NTM: variants seen among roughly 807,000 people sequenced by gnomAD.
The protein encoded by NTM is IgLON family member 2.
A neutral mutation model predicts 42.1 loss-of-function variants in NTM; 13 were observed. That is an observed-to-expected ratio of 0.31 (90% CI 0.20 to 0.49). The LOEUF (loss-of-function observed/expected upper bound fraction) is 0.49, where lower values mean the gene tolerates loss of function less well. Among genes scored for constraint, NTM ranks in the 20% least tolerant of loss-of-function variants. The probability of loss-of-function intolerance (pLI) is 0.99; values close to 1 mark genes in which losing one functional copy is unlikely to be tolerated. For synonymous variants in NTM, 187 were observed against 179.2 expected (o/e 1.04, Z -0.35); for missense variants, 373 against 452.8 (o/e 0.82, Z 1.60).
At chr11:131,529,446 G>C (rs1470014357) in intron 1 of NTM, among the ~76,000 whole-genome samples, 1 of 152,188 alleles carries the variant, frequency 6.6e-6, no homozygotes, top group Admixed American at 6.5e-5. Context: ...CCTTTCTGAT[G>C]AATGGGAACA....
intron 1 of NTM, among the ~76,000 whole-genome samples, chr11:131,402,915 G>A (rs1403146643): frequency 1.3e-5 from 2 of 152,110 alleles, no homozygotes; most frequent in Non-Finnish European, 2.9e-5. Context: ...GAAATTTAAG[G>A]GGTGACTTAA....
At chr11:131,728,937 A>C (rs1434052730) in intron 1 of NTM, among the ~76,000 whole-genome samples, 1 of 152,238 alleles carries the variant, frequency 6.6e-6, no homozygotes, top group Non-Finnish European at 1.5e-5. Flanking sequence ...GTATGTCAGG[A>C]AACAGGGTTG....
At chr11:131,761,553 C>G (rs1440835068) in intron 1 of NTM, among the ~76,000 whole-genome samples, 3 of 152,074 alleles carry the variant, frequency 2.0e-5, no homozygotes, top group Non-Finnish European at 2.9e-5. Context: ...CCTGTTATCC[C>G]TGCACTTTGG....
intron 4 of NTM, among the ~76,000 whole-genome samples, chr11:132,235,995 C>G (rs569344685): frequency 1.6e-5 from 2 of 128,034 alleles, no homozygotes; most frequent in Non-Finnish European, 3.3e-5. Flanking sequence ...CACACACAGA[C>G]ACACACACAC....
intron 2 of NTM, among the ~76,000 whole-genome samples, chr11:131,998,235 A>AT (rs991814899): frequency 4.6e-5 from 7 of 152,058 alleles, no homozygotes; most frequent in Admixed American, 3.9e-4. Context: ...CTGAGTTTTC[A>AT]TTTTGCTGCT....
intron 1 of NTM, among the ~76,000 whole-genome samples, chr11:131,838,100 T>C (rs955495637): frequency 6.6e-6 from 1 of 152,098 alleles, no homozygotes; most frequent in Non-Finnish European, 1.5e-5. Context: ...AAACAGAGAT[T>C]GGATTTTTTT....
intron 1 of NTM, among the ~76,000 whole-genome samples, chr11:131,664,312 T>G (rs2068608836): frequency 6.6e-6 from 1 of 152,254 alleles, no homozygotes; most frequent in South Asian, 2.1e-4. Flanking sequence ...TATAAAAGGA[T>G]GCTCTGACAA....
chr11:132,314,882 G>T lies in NTM; in HGVS notation c.934+179G>T, dbSNP rs989035338. The stretch of plus-strand genomic sequence containing the variant: ...TGGAGAGAGAGGGACAGAGAGACAG[G>T]GAGGAGGCAGACAGAAAGAGAAAGA... On this transcript the variant is annotated intron_variant, in intron 7 of 8. Coordinates refer to ENST00000683400, the MANE Select transcript of NTM (RefSeq NM_001352005.2). 27 of 1,357,496 alleles carry T rather than the reference G, an allele frequency of 2.0e-5. No homozygotes were observed. In the South Asian group the frequency reaches 4.5e-4, roughly 22 times the overall value. 84.1% of individuals were successfully genotyped at this position (1,357,496 alleles called of 1,614,324 possible).
At chr11:132,323,934 A>G in intron 7 of NTM, among the ~76,000 whole-genome samples, 1 of 149,082 alleles carries the variant, frequency 6.7e-6, no homozygotes, top group Non-Finnish European at 1.5e-5. Context: ...CCACATGATT[A>G]TCTCAATAGA....
In NTM at chr11:131,900,540, A is replaced by G. The variant is rs572443784; in HGVS notation, c.83-11024A>G. 2.0e-5 allele frequency among the ~76,000 whole-genome samples: 3 copies of G among 152,334 alleles called. No individual in the cohort carries two copies. In the South Asian group the frequency reaches 6.2e-4, roughly 32 times the overall value. On this transcript the variant is annotated intron_variant, in intron 1 of 8. Transcript: ENST00000683400. ...TGAATTTCAGGAATCCAGATAAGAA[A>G]ATGAGGAGATCTTGGCTTGGGCCAG... is the stretch of plus-strand genomic sequence containing the variant.
At chr11:132,276,048 C>G (rs181434176) in intron 4 of NTM, among the ~76,000 whole-genome samples, 1 of 151,834 alleles carries the variant, frequency 6.6e-6, no homozygotes, top group Admixed American at 6.6e-5. Context: ...GTGATATTGA[C>G]TTTTAATTTT....
chr11:131,620,465 T>A (rs2062412459), intron 1 of NTM, among the ~76,000 whole-genome samples: 1 of 152,170 alleles, frequency 6.6e-6, no homozygotes, highest in African/African-American at 2.4e-5. Context: ...ACAATTCAAA[T>A]GCCCCATCTG....
Position 132,206,620 on chromosome 11 carries a change from G to A in NTM, c.401-5402G>A, listed in dbSNP as rs369690799. 5.3e-5 allele frequency among the ~76,000 whole-genome samples: 8 copies of A among 152,326 alleles called. No homozygotes were observed. In the East Asian group the frequency reaches 1.5e-3, roughly 29 times the overall value. Reference sequence around the variant, plus strand: ...AAGGTTGCCCAGTTAGAACATAGTAGAGCCGGATCTCAGCCCCTGCTCTGC... The same window carrying A: ...AAGGTTGCCCAGTTAGAACATAGTAAAGCCGGATCTCAGCCCCTGCTCTGC... On this transcript the variant is annotated intron_variant, in intron 3 of 8. Transcript: ENST00000683400.
At chr11:132,015,216 A>G (rs1403143954) in intron 2 of NTM, among the ~76,000 whole-genome samples, 1 of 151,810 alleles carries the variant, frequency 6.6e-6, no homozygotes, top group Non-Finnish European at 1.5e-5. Flanking sequence ...GGGTGGATTT[A>G]TTTCTGAGTT....
At chr11:131,547,930 C>T (rs1157664667) in intron 1 of NTM, among the ~76,000 whole-genome samples, 1 of 152,078 alleles carries the variant, frequency 6.6e-6, no homozygotes, top group East Asian at 1.9e-4. Context: ...TTAGCCAATG[C>T]CTAGGAGGCG....
chr11:132,128,276 T>C (rs1039951382), intron 2 of NTM, among the ~76,000 whole-genome samples: 1 of 152,182 alleles, frequency 6.6e-6, no homozygotes, highest in African/African-American at 2.4e-5. Context: ...TTGCTAATCA[T>C]TTATCACAAA....
chr11:132,174,683 GC>G (rs1291880842), intron 3 of NTM, among the ~76,000 whole-genome samples: 1 of 151,804 alleles, frequency 6.6e-6, no homozygotes, highest in Non-Finnish European at 1.5e-5. Context: ...TCTCTTTCTG[GC>G]AATGGCTCTT....
At chr11:132,087,126 C>T (rs565307805) in intron 2 of NTM, among the ~76,000 whole-genome samples, 21 of 152,050 alleles carry the variant, frequency 1.4e-4, no homozygotes, top group Admixed American at 4.6e-4. Flanking sequence ...AAGAAAAAAA[C>T]GTCCTTTTTC....
At position 131,419,447 on chromosome 11, in the gene NTM, G is replaced by A. The variant is rs539847319; in HGVS notation, c.82+48559G>A. Among the ~76,000 whole-genome samples, 12 of 152,266 alleles carry A rather than the reference G, an allele frequency of 7.9e-5. No homozygotes were observed. In the East Asian group the frequency reaches 1.9e-3, roughly 25 times the overall value. ...ATCCAGAGAAGGGCTTCTGGAGAGA[G>A]GACACCTAGGCTGAGGCCTGAAGGA... On this transcript the variant is annotated intron_variant, in intron 1 of 8. Coordinates refer to ENST00000683400, the MANE Select transcript of NTM (RefSeq NM_001352005.2).
Sources: allele counts gnomAD v4.1 joint callset (sites outside exome capture counted in the v4.1 genomes callset), GRCh38; gene constraint gnomAD v4.1.1; transcripts MANE v1.5; gene names NCBI Gene and HGNC (gene_info 2026-07-23, HGNC 2026-07-21).